MAP2K4: variants seen among roughly 807,000 people sequenced by gnomAD.
MAP2K4 encodes mitogen-activated protein kinase kinase 4.
Under a neutral mutation model 48.5 loss-of-function variants are expected in MAP2K4, and 4 were observed. That is an observed-to-expected ratio of 0.08 (90% CI 0.04 to 0.19). The LOEUF (loss-of-function observed/expected upper bound fraction) is 0.19. Ranked by LOEUF, MAP2K4 falls within the 10% of genes least tolerant of loss-of-function variation. MAP2K4 has a pLI of 1.00. For synonymous variants in MAP2K4, 166 were observed against 173.1 expected (o/e 0.96, Z 0.32); for missense variants, 258 against 493.3 (o/e 0.52, Z 4.52).
At chr17:12,109,896 G>A (rs1292563567) in intron 5 of MAP2K4, among the ~76,000 whole-genome samples, 1 of 151,978 alleles carries the variant, frequency 6.6e-6, no homozygotes, top group African/African-American at 2.4e-5. Context: ...GAGAGGCCGA[G>A]GCAGAAGGAT....
intron 1 of MAP2K4, among the ~76,000 whole-genome samples, chr17:12,052,474 G>C (rs1277204355): frequency 6.6e-6 from 1 of 152,122 alleles, no homozygotes; most frequent in Non-Finnish European, 1.5e-5. Flanking sequence ...AACAGTTTAA[G>C]TTTTAACTGT....
At chr17:12,054,145 CCTAT>C (rs1431304342) in intron 1 of MAP2K4, among the ~76,000 whole-genome samples, 11 of 152,102 alleles carry the variant, frequency 7.2e-5, no homozygotes, top group Non-Finnish European at 1.6e-4. Flanking sequence ...AATACATGTC[CCTAT>C]CTATGTATAG....
chr17:12,037,287 A>G (rs1404560197), intron 1 of MAP2K4, among the ~76,000 whole-genome samples: 1 of 152,138 alleles, frequency 6.6e-6, no homozygotes, highest in East Asian at 1.9e-4. Context: ...AGGAAGAAGG[A>G]TGTTTTGTGA....
intron 2 of MAP2K4, chr17:12,069,914 T>C (rs1330265932): frequency 0.011 from 764 of 67,162 alleles, 23 homozygotes; most frequent in Non-Finnish European, 0.016. Flanking sequence ...TATATATATA[T>C]ATATATATAT....
rs189199312 is a variant in MAP2K4, at chr17:12,029,127, G to C, written c.115+8126G>C. Among the ~76,000 whole-genome samples, 1,220 of 152,212 alleles carry C rather than the reference G, an allele frequency of 8.0e-3. 4 individuals are homozygous for C. Among genetic ancestry groups the C allele is most frequent in the Non-Finnish European group, 0.014 (950 of 68,012 alleles). On this transcript the variant is annotated intron_variant, in intron 1 of 10. Coordinates refer to ENST00000353533, the MANE Select transcript of MAP2K4 (RefSeq NM_003010.4). The stretch of plus-strand genomic sequence containing the variant: ...ATTTGGTAAGAACAGTAAATTGTAG[G>C]TTTCAAGTTATGGCCACATAAAAGA...
intron 2 of MAP2K4, among the ~76,000 whole-genome samples, chr17:12,072,029 C>T (rs1482203083): frequency 3.3e-5 from 5 of 152,148 alleles, no homozygotes; most frequent in Non-Finnish European, 7.3e-5. Flanking sequence ...AAATAGTAGG[C>T]AAGGGATTCC....
intron 2 of MAP2K4, among the ~76,000 whole-genome samples, chr17:12,069,030 A>G (rs1001963781): frequency 6.6e-6 from 1 of 152,156 alleles, no homozygotes; most frequent in Non-Finnish European, 1.5e-5. Flanking sequence ...GACAGGCAAA[A>G]ATTAAAAGAT....
intron 2 of MAP2K4, among the ~76,000 whole-genome samples, chr17:12,071,755 T>G (rs1970817233): frequency 6.6e-6 from 1 of 152,088 alleles, no homozygotes; most frequent in Non-Finnish European, 1.5e-5. Context: ...GGAGTGGCAG[T>G]GTAGAAGGTA....
At chr17:12,099,627 A>G (rs1971872411) in intron 4 of MAP2K4, among the ~76,000 whole-genome samples, 3 of 152,152 alleles carry the variant, frequency 2.0e-5, no homozygotes, top group South Asian at 2.1e-4. Context: ...TACAGCTTGG[A>G]TTTGGTTTAG....
At chr17:12,039,897 T>C (rs1555542655) in intron 1 of MAP2K4, among the ~76,000 whole-genome samples, 1 of 152,230 alleles carries the variant, frequency 6.6e-6, no homozygotes, top group Non-Finnish European at 1.5e-5. Flanking sequence ...TTTAGCTGAT[T>C]GCATCCTTTT....
chr17:12,042,995 C>T (rs1321972327), intron 1 of MAP2K4, among the ~76,000 whole-genome samples: 1 of 148,728 alleles, frequency 6.7e-6, no homozygotes, highest in African/African-American at 2.5e-5. Flanking sequence ...TGCAGTGAGC[C>T]GAGATTGTGC....
intron 2 of MAP2K4, among the ~76,000 whole-genome samples, chr17:12,062,460 G>C (rs997821975): frequency 6.6e-6 from 1 of 152,012 alleles, no homozygotes; most frequent in Non-Finnish European, 1.5e-5. Context: ...TTAGCCTTCT[G>C]AGTAGCTGGC....
At chr17:12,097,565 A>AG (rs1269253208) in intron 4 of MAP2K4, among the ~76,000 whole-genome samples, 1 of 152,242 alleles carries the variant, frequency 6.6e-6, no homozygotes, top group Non-Finnish European at 1.5e-5. Context: ...GCTGAGTCAC[A>AG]TTTGGTTTTA....
At chr17:12,123,608 C>A (rs1306866820) in intron 7 of MAP2K4, among the ~76,000 whole-genome samples, 1 of 151,446 alleles carries the variant, frequency 6.6e-6, no homozygotes, top group Non-Finnish European at 1.5e-5. Flanking sequence ...TTTTCTAATT[C>A]TTTAAGCTAT....
intron 9 of MAP2K4, among the ~76,000 whole-genome samples, chr17:12,130,960 G>C (rs1481253968): frequency 2.0e-5 from 3 of 152,090 alleles, no homozygotes; most frequent in Non-Finnish European, 4.4e-5. Flanking sequence ...ATTCTTAGCA[G>C]GGTGATATTG....
At chr17:12,035,847 T>C (rs1300563158) in intron 1 of MAP2K4, among the ~76,000 whole-genome samples, 1 of 152,204 alleles carries the variant, frequency 6.6e-6, no homozygotes, top group Non-Finnish European at 1.5e-5. Flanking sequence ...TGATGACTAA[T>C]GGAAGCTCTG....
At chr17:12,035,725 T>C (rs1256764254) in intron 1 of MAP2K4, among the ~76,000 whole-genome samples, 1 of 152,162 alleles carries the variant, frequency 6.6e-6, no homozygotes, top group Non-Finnish European at 1.5e-5. Flanking sequence ...TAGGAGGGTA[T>C]GGGGCAAAGA....
intron 4 of MAP2K4, among the ~76,000 whole-genome samples, chr17:12,104,564 TAA>T (rs910143872): frequency 6.6e-6 from 1 of 151,694 alleles, no homozygotes; most frequent in Non-Finnish European, 1.5e-5. Context: ...AGGCTTTTTT[TAA>T]AAAAAAATTG....
At chr17:12,117,557 A>AC (rs1241262048) in intron 7 of MAP2K4, among the ~76,000 whole-genome samples, 3 of 151,798 alleles carry the variant, frequency 2.0e-5, no homozygotes, top group African/African-American at 7.3e-5. Flanking sequence ...TCCACACTAT[A>AC]CCTCACATGG....
Sources: allele counts gnomAD v4.1 joint callset (sites outside exome capture counted in the v4.1 genomes callset), GRCh38; gene constraint gnomAD v4.1.1; transcripts MANE v1.5; gene names NCBI Gene and HGNC (gene_info 2026-07-23, HGNC 2026-07-21).